Variants in ANKS1B observed in about 807,000 individuals in gnomAD.
The protein encoded by ANKS1B is ankyrin repeat and sterile alpha motif domain containing 1B.
ANKS1B carries 36 observed loss-of-function variants against 148.3 expected under a neutral mutation model. The ratio of observed to expected loss-of-function variants is 0.24; its 90% CI spans 0.19 to 0.32. The LOEUF is 0.32. Among genes scored for constraint, ANKS1B ranks in the 10% least tolerant of loss-of-function variants. The pLI, the probability that ANKS1B is intolerant of heterozygous loss-of-function variation, is 1.00. For missense variants in ANKS1B, 1,157 were observed against 1,542.6 expected (o/e 0.75, Z 4.19); for synonymous variants, 542 against 560.8 (o/e 0.97, Z 0.47).
chr12:99,943,396 CT>C (rs2094968987), intron 1 of ANKS1B, among the ~76,000 whole-genome samples: 1 of 152,162 alleles, frequency 6.6e-6, no homozygotes, highest in Non-Finnish European at 1.5e-5. Context: ...TTTCTCCACT[CT>C]TCTGGCTTTA....
At chr12:99,266,866 G>A (rs2076495691) in intron 12 of ANKS1B, among the ~76,000 whole-genome samples, 1 of 152,078 alleles carries the variant, frequency 6.6e-6, no homozygotes, top group African/African-American at 2.4e-5. Flanking sequence ...GACACTAAGC[G>A]AGGTGCTGTG....
intron 8 of ANKS1B, among the ~76,000 whole-genome samples, chr12:99,669,363 T>C (rs371066511): frequency 2.8e-4 from 42 of 152,242 alleles, no homozygotes; most frequent in African/African-American, 9.9e-4. Context: ...TCTTTAAAAA[T>C]TACTGGACAT....
intron 25 of ANKS1B, among the ~76,000 whole-genome samples, chr12:98,752,753 C>T (rs560008966): frequency 1.3e-5 from 2 of 151,746 alleles, no homozygotes; most frequent in African/African-American, 4.8e-5. Context: ...GTCCCCAAGG[C>T]CTTGGAAGGT....
intron 14 of ANKS1B, among the ~76,000 whole-genome samples, chr12:99,212,079 C>G (rs779298331): frequency 2.0e-5 from 3 of 152,192 alleles, no homozygotes; most frequent in African/African-American, 7.2e-5. Context: ...ATTCTGCATA[C>G]TGATTTTGTC....
chr12:99,717,814 T>TGCCTCCA lies in ANKS1B; in HGVS notation c.1128+55101_1128+55107dup, dbSNP rs1421641464. ...CCTTCTTTTCAAGGCCTGTTTCCCT[T>TGCCTCCA]GCCTCCAAACTGTTGTGGGTAGTGA... is the stretch of plus-strand genomic sequence containing the variant. On this transcript the variant is annotated intron_variant, in intron 8 of 26. Transcript: ENST00000683438. Among the ~76,000 whole-genome samples, 4 of 152,016 alleles carry TGCCTCCA rather than the reference T, an allele frequency of 2.6e-5. No individual in the cohort carries two copies. In the East Asian group the frequency reaches 7.7e-4, roughly 29 times the overall value.
At chr12:99,533,507 T>A (rs1348284296) in intron 9 of ANKS1B, among the ~76,000 whole-genome samples, 1 of 152,170 alleles carries the variant, frequency 6.6e-6, no homozygotes, top group Non-Finnish European at 1.5e-5. Context: ...CTTCCTCTTT[T>A]CCAATTTGGA....
At position 99,276,986 on chromosome 12, in the gene ANKS1B, G is replaced by A. The variant is rs1172059900; in HGVS notation, c.1757-30122C>T. On this transcript the variant is annotated intron_variant, in intron 12 of 26. Coordinates refer to ENST00000683438, the MANE Select transcript of ANKS1B (RefSeq NM_001352186.2). Reference sequence around the variant, plus strand: ...CCCTTTTTGAAGTCACCTAACTTACGTCTACATTCCCCTTTCTTGCCGAAT... The same window carrying A: ...CCCTTTTTGAAGTCACCTAACTTACATCTACATTCCCCTTTCTTGCCGAAT... Among the ~76,000 whole-genome samples the A allele has an allele frequency of 3.9e-5, 6 of 152,118 alleles. No individual in the cohort carries two copies. In the East Asian group the frequency reaches 5.8e-4, roughly 15 times the overall value.
chr12:99,637,872 GA>G (rs200358106), intron 9 of ANKS1B, among the ~76,000 whole-genome samples: 2 of 150,188 alleles, frequency 1.3e-5, no homozygotes, highest in Non-Finnish European at 3.0e-5. Flanking sequence ...CATAAAGAGA[GA>G]AAAAAAGAGA....
chr12:99,186,646 G>A (rs1456667648), intron 14 of ANKS1B, among the ~76,000 whole-genome samples: 3 of 152,136 alleles, frequency 2.0e-5, no homozygotes, highest in Non-Finnish European at 4.4e-5. Context: ...GCAGCAGAGG[G>A]GCCTGACTGT....
chr12:98,928,119 C>T (rs1270871256), intron 17 of ANKS1B, among the ~76,000 whole-genome samples: 2 of 150,978 alleles, frequency 1.3e-5, no homozygotes, highest in African/African-American at 2.4e-5. Context: ...ATTGGCTGTG[C>T]AGAAATAAAA....
chr12:99,732,207 C>A (rs572254343), intron 8 of ANKS1B, among the ~76,000 whole-genome samples: 1 of 151,944 alleles, frequency 6.6e-6, no homozygotes, highest in East Asian at 1.9e-4. Context: ...CTGATTGGAA[C>A]TTAATACGGT....
chr12:99,169,439 A>T (rs547279576), intron 14 of ANKS1B, among the ~76,000 whole-genome samples: 11 of 152,174 alleles, frequency 7.2e-5, no homozygotes, highest in South Asian at 4.2e-4. Context: ...CAAGAGTTTT[A>T]AAAAAAAGAT....
intron 16 of ANKS1B, among the ~76,000 whole-genome samples, chr12:99,075,793 A>G (rs541591448): frequency 6.8e-6 from 1 of 148,016 alleles, no homozygotes; most frequent in African/African-American, 2.4e-5. Flanking sequence ...ATTATTGTAT[A>G]ACATATATAA....
intron 15 of ANKS1B, among the ~76,000 whole-genome samples, chr12:99,115,793 G>T (rs567576516): frequency 1.3e-5 from 2 of 152,036 alleles, no homozygotes; most frequent in African/African-American, 4.8e-5. Flanking sequence ...TTAGCCAGCT[G>T]TGGTGGCGCA....
chr12:98,892,179 C>A (rs1242902000), intron 17 of ANKS1B, among the ~76,000 whole-genome samples: 1 of 152,224 alleles, frequency 6.6e-6, no homozygotes, highest in Non-Finnish European at 1.5e-5. Context: ...GGTGTTTCTA[C>A]AGAATGTGCC....
chr12:98,780,445 T>C (rs1593438922), intron 24 of ANKS1B, among the ~76,000 whole-genome samples: 2 of 152,176 alleles, frequency 1.3e-5, no homozygotes, highest in Admixed American at 6.5e-5. Flanking sequence ...GAATGCTTTT[T>C]CAGTAAAATG....
intron 11 of ANKS1B, among the ~76,000 whole-genome samples, chr12:99,400,014 A>G (rs914581649): frequency 5.3e-5 from 8 of 152,172 alleles, no homozygotes; most frequent in Non-Finnish European, 1.0e-4. Context: ...AGAAAATATT[A>G]TGGCATAGTT....
At chr12:99,617,602 C>T (rs1301880316) in intron 9 of ANKS1B, among the ~76,000 whole-genome samples, 2 of 152,064 alleles carry the variant, frequency 1.3e-5, no homozygotes, top group Non-Finnish European at 1.5e-5. Flanking sequence ...AACACATGGA[C>T]CTGGGGAGGG....
intron 8 of ANKS1B, among the ~76,000 whole-genome samples, chr12:99,699,578 CAG>C (rs757529040): frequency 6.6e-6 from 1 of 152,128 alleles, no homozygotes; most frequent in South Asian, 2.1e-4. Flanking sequence ...TGTGAAAGAA[CAG>C]AGTCTTCTTG....
Sources: allele counts gnomAD v4.1 joint callset (sites outside exome capture counted in the v4.1 genomes callset), GRCh38; gene constraint gnomAD v4.1.1; transcripts MANE v1.5; gene names NCBI Gene and HGNC (gene_info 2026-07-23, HGNC 2026-07-21).